DNAH14: variants seen among roughly 807,000 people sequenced by gnomAD.
The protein encoded by DNAH14 is dynein axonemal heavy chain 14, also known as axonemal beta dynein heavy chain 14.
A neutral mutation model predicts 520.9 loss-of-function variants in DNAH14; 478 were observed. That is an observed-to-expected ratio of 0.92 (90% CI 0.85 to 0.99). DNAH14 has a LOEUF of 0.99. Ranked by LOEUF, DNAH14 falls within the 50% of genes least tolerant of loss-of-function variation. DNAH14 has a pLI of 0.00. For synonymous variants in DNAH14, 1,581 were observed against 1,757.2 expected (o/e 0.90, Z 2.51); for missense variants, 4,831 against 5,234.5 (o/e 0.92, Z 2.38).
In DNAH14 at chr1:225,346,173, C is replaced by T. The variant is rs2095283258; in HGVS notation, c.10890C>T (p.Ser3630=). 6.4e-7 allele frequency: 1 copy of T among 1,551,634 alleles called. No homozygotes were observed. The highest frequency in any genetic ancestry group is 8.7e-7 in the Non-Finnish European group (1 of 1,146,970). The part of the protein sequence containing the change: ...LTQINYMYQF[S]LDWFHQVFVS... ...AAATCAACTACATGTACCAGTTCTC[C>T]CTAGACTGGTTTCATCAGGTTTTTG... Residue 3630 remains serine (S), a synonymous_variant, in exon 70 of 86, where the codon TCC becomes TCT. Transcript: ENST00000682510.
intron 43 of DNAH14, among the ~76,000 whole-genome samples, chr1:225,246,652 A>T (rs2092299326): frequency 6.6e-6 from 1 of 152,236 alleles, no homozygotes; most frequent in African/African-American, 2.4e-5. Context: ...TGGTCATTAG[A>T]GGAATACAAA....
chr1:225,059,132 A>G (rs953971787), intron 17 of DNAH14, among the ~76,000 whole-genome samples: 1 of 152,158 alleles, frequency 6.6e-6, no homozygotes, highest in Non-Finnish European at 1.5e-5. Context: ...GGGGTGTTAA[A>G]GTCTCCCATT....
chr1:225,015,962 T>C (rs1223575107), intron 10 of DNAH14, among the ~76,000 whole-genome samples: 4 of 152,184 alleles, frequency 2.6e-5, no homozygotes, highest in Non-Finnish European at 5.9e-5. Flanking sequence ...TCATGTAGCT[T>C]TGGCGCAGTC....
rs1458622283 is a variant in DNAH14, at chr1:225,270,818, G to T, written c.7623G>T (p.Met2541Ile). 10 of 1,551,076 alleles carry T rather than the reference G, an allele frequency of 6.4e-6. No homozygotes were observed. The highest frequency in any genetic ancestry group is 8.7e-6 in the Non-Finnish European group (10 of 1,146,824). Residue 2541 changes from methionine to isoleucine, a missense_variant, in exon 50 of 86, where the codon ATG (methionine) becomes ATT (isoleucine). Physicochemically the swap from Met to Ile is conservative, Grantham distance 10. Coordinates refer to ENST00000682510, the MANE Select transcript of DNAH14 (RefSeq NM_001367479.1). ...CACGTCTTCTCAAACACTTTTCCAT[G>T]CTGGTATTACCTCATCCTTCACAAG... ...ISPRLLKHFS[M>I]LVLPHPSQDI...
In DNAH14 at chr1:225,051,574, AT is replaced by A; in HGVS notation, c.2204del (p.Met735ArgfsTer4). ...AATCATGAGTATGAAAATATCATCTATGGGAGAATTAACTTCAAAAGAATTT... is the reference window on the plus strand; with the variant it reads ...AATCATGAGTATGAAAATATCATCTAGGGAGAATTAACTTCAAAAGAATTT... ...AKIMSMKISS[M>X]GELTSKEFEA... is the part of the protein sequence containing the mutation. On this transcript the variant is annotated frameshift_variant, in exon 17 of 86. Transcript: ENST00000682510. LOFTEE classifies it high-confidence loss of function. 1 of 1,550,966 alleles carries A rather than the reference AT, an allele frequency of 6.4e-7. No homozygotes were observed. The highest frequency in any genetic ancestry group is 8.7e-7 in the Non-Finnish European group (1 of 1,146,494).
chr1:225,118,295 T>C (rs1298034885), intron 25 of DNAH14: 3 of 404,126 alleles, frequency 7.4e-6, no homozygotes, highest in Non-Finnish European at 9.1e-6. Flanking sequence ...TTTTTAGTGC[T>C]TTTTCCCTTT....
At chr1:225,368,517 C>T (rs907510797) in intron 77 of DNAH14, among the ~76,000 whole-genome samples, 4 of 152,086 alleles carry the variant, frequency 2.6e-5, no homozygotes, top group Non-Finnish European at 5.9e-5. Flanking sequence ...AGTGGTCTTC[C>T]TTTACTATTC....
At chr1:225,241,263 A>T (rs529641228) in intron 43 of DNAH14, among the ~76,000 whole-genome samples, 26 of 152,304 alleles carry the variant, frequency 1.7e-4, no homozygotes, top group African/African-American at 6.0e-4. Flanking sequence ...AATGGAATCC[A>T]TCCTATTACT....
chr1:225,290,842 T>G (rs1258047714), intron 55 of DNAH14, among the ~76,000 whole-genome samples: 2 of 151,528 alleles, frequency 1.3e-5, no homozygotes, highest in Admixed American at 1.3e-4. Flanking sequence ...AGCATATTCA[T>G]TATCTCAAAC....
At position 225,358,499 on chromosome 1, in the gene DNAH14, A is replaced by G. The variant is rs1215219287; in HGVS notation, c.11623A>G (p.Lys3875Glu). 1 of 1,509,296 alleles carries G rather than the reference A, an allele frequency of 6.6e-7. No homozygotes were observed. The highest frequency in any genetic ancestry group is 2.5e-5 in the East Asian group (1 of 39,558). 93.5% of individuals were successfully genotyped at this position (1,509,296 alleles called of 1,614,324 possible). The change falls in exon 74 of 86, where the codon AAA (lysine) becomes GAA (glutamate). Residue 3875 changes from lysine (K) to glutamate (E), a missense_variant. By Grantham distance (56) the Lys-to-Glu change is moderately conservative (BLOSUM62 1). Coordinates refer to ENST00000682510, the MANE Select transcript of DNAH14 (RefSeq NM_001367479.1). The part of the protein sequence containing the change: ...LTSFQRLILV[K>E]VLRPESLNNS... The stretch of plus-strand genomic sequence containing the variant: ...TCTTCCATGTTTTCTTTTTTAGGTA[A>G]AAGTTCTTAGACCAGAAAGTTTAAA...
intron 3 of DNAH14, among the ~76,000 whole-genome samples, chr1:224,958,586 G>C (rs1209169225): frequency 6.6e-6 from 1 of 152,098 alleles, no homozygotes; most frequent in Non-Finnish European, 1.5e-5. Context: ...CAATGGACTG[G>C]AGTTCCTGAT....
chr1:225,325,204 A>G (rs2094634160), intron 64 of DNAH14, among the ~76,000 whole-genome samples: 1 of 146,256 alleles, frequency 6.8e-6, no homozygotes, highest in African/African-American at 2.5e-5. Flanking sequence ...ACTGTACTTT[A>G]TTGGGCACAG....
chr1:225,337,632 TACAG>T (rs1558448508), intron 67 of DNAH14, 136 bp downstream of exon 67: 3 of 680,850 alleles, frequency 4.4e-6, no homozygotes, highest in Non-Finnish European at 7.6e-6. Context: ...CATATATACT[TACAG>T]ACAGAGAGTG....
intron 55 of DNAH14, among the ~76,000 whole-genome samples, chr1:225,295,207 T>C (rs2093981590): frequency 6.6e-6 from 1 of 152,164 alleles, no homozygotes; most frequent in Non-Finnish European, 1.5e-5. Flanking sequence ...AAAAAACTTT[T>C]GGTTGTGTTG....
At chr1:225,133,945 C>A (rs1190492774) in intron 27 of DNAH14, among the ~76,000 whole-genome samples, 1 of 152,134 alleles carries the variant, frequency 6.6e-6, no homozygotes, top group Non-Finnish European at 1.5e-5. Context: ...CTTCATTTCC[C>A]TTGTTAGCTG....
At chr1:225,056,429 A>G (rs1460391320) in intron 17 of DNAH14, among the ~76,000 whole-genome samples, 5 of 152,176 alleles carry the variant, frequency 3.3e-5, no homozygotes, top group Admixed American at 3.3e-4. Flanking sequence ...TCTTGATATT[A>G]GCCCTTTGTC....
rs1272570852 is a variant in DNAH14, at chr1:225,335,864, T to C, written c.10081-1402T>C. On this transcript the variant is annotated intron_variant, in intron 66 of 85. Transcript: ENST00000682510. ...GTACATACACATATGTACATATATG[T>C]ACATACACATATACATATATGTACA... Among the ~76,000 whole-genome samples, 15 of 64,468 alleles carry C rather than the reference T, an allele frequency of 2.3e-4. 3 individuals carry two copies. Among genetic ancestry groups the C allele is most frequent in the Non-Finnish European group, 3.6e-4 (12 of 33,502 alleles). The allele number at this position is 64,468 out of a possible 152,430, so 42.3% of individuals were successfully genotyped here.
chr1:225,142,655 A>C (rs1263558299), intron 28 of DNAH14, among the ~76,000 whole-genome samples: 1 of 152,204 alleles, frequency 6.6e-6, no homozygotes, highest in Non-Finnish European at 1.5e-5. Context: ...AAGGCCAGGC[A>C]TGGTGGCTCA....
intron 38 of DNAH14, among the ~76,000 whole-genome samples, chr1:225,200,291 G>T (rs983820740): frequency 6.6e-6 from 1 of 152,122 alleles, no homozygotes; most frequent in African/African-American, 2.4e-5. Context: ...CTGCAATTCT[G>T]TGTCTTTTAA....
Sources: allele counts gnomAD v4.1 joint callset (sites outside exome capture counted in the v4.1 genomes callset), GRCh38; gene constraint gnomAD v4.1.1; transcripts MANE v1.5; gene names NCBI Gene and HGNC (gene_info 2026-07-23, HGNC 2026-07-21).